KCNAB1: variants seen among roughly 807,000 people sequenced by gnomAD.
KCNAB1 encodes the protein potassium voltage-gated channel subfamily A regulatory beta subunit 1, also known as voltage-gated potassium channel subunit beta-1.
In KCNAB1, 35 loss-of-function variants were observed where a neutral mutation model predicts 64.6. The ratio of observed to expected loss-of-function variants is 0.54; its 90% CI spans 0.41 to 0.72. The LOEUF (loss-of-function observed/expected upper bound fraction) is 0.72. Ranked by LOEUF, KCNAB1 falls within the 30% of genes least tolerant of loss-of-function variation. The probability of loss-of-function intolerance (pLI) is 0.00; values close to 1 mark genes in which losing one functional copy is unlikely to be tolerated. For missense variants in KCNAB1, 401 were observed against 512.9 expected, an observed-to-expected ratio of 0.78 and a Z score of 2.11; for synonymous variants, 177 against 183.8, an observed-to-expected ratio of 0.96 and a Z score of 0.30.
upstream of KCNAB1, among the ~76,000 whole-genome samples, chr3:156,119,748 G>C (rs914619686): frequency 6.6e-6 from 1 of 152,036 alleles, no homozygotes; most frequent in African/African-American, 2.4e-5. Context: ...GGGTGTGTGT[G>C]GGTCAACCCC....
At chr3:156,525,690 A>G (rs1410658966) in intron 12 of KCNAB1, among the ~76,000 whole-genome samples, 1 of 151,926 alleles carries the variant, frequency 6.6e-6, no homozygotes, top group Non-Finnish European at 1.5e-5. Flanking sequence ...TAATTTTTGT[A>G]TTTTTAGTAG....
chr3:156,371,344 T>C (rs115911531), intron 1 of KCNAB1, among the ~76,000 whole-genome samples: 2,114 of 152,290 alleles, frequency 0.014, 19 homozygotes, highest in South Asian at 0.031. Flanking sequence ...AAAAAGAAGC[T>C]ACCACAGGGT....
chr3:156,180,685 T>C (rs1214401670), intron 1 of KCNAB1, among the ~76,000 whole-genome samples: 1 of 152,190 alleles, frequency 6.6e-6, no homozygotes, highest in African/African-American at 2.4e-5. Flanking sequence ...GATGCAATGA[T>C]GATGATAGAG....
intron 1 of KCNAB1, among the ~76,000 whole-genome samples, chr3:156,411,780 C>T (rs1365779496): frequency 1.3e-5 from 2 of 152,272 alleles, no homozygotes; most frequent in East Asian, 3.9e-4. Flanking sequence ...CCTTTGATTA[C>T]TGTAGCTTTA....
chr3:156,381,984 C>T (rs1007929975), intron 1 of KCNAB1, among the ~76,000 whole-genome samples: 1 of 152,170 alleles, frequency 6.6e-6, no homozygotes, highest in African/African-American at 2.4e-5. Flanking sequence ...TGAAAGAACA[C>T]TGGATCAAGA....
At chr3:156,396,067 G>A (rs547138289) in intron 1 of KCNAB1, among the ~76,000 whole-genome samples, 5 of 152,148 alleles carry the variant, frequency 3.3e-5, no homozygotes, top group Non-Finnish European at 7.4e-5. Flanking sequence ...ACCCCAAAAG[G>A]TTCTTGTAAA....
rs185923286 is a variant in KCNAB1, at chr3:156,143,149, A to T, written c.275+22263A>T. 124 of 1,557,780 alleles carry T rather than the reference A, an allele frequency of 8.0e-5. 1 individual carries two copies. The Middle Eastern group carries it at 1.0e-3, about 13-fold the overall frequency. On this transcript the variant is annotated intron_variant, in intron 1 of 13. Transcript: ENST00000490337. ...GAGTCTTAAAGTTAAGCACCGTGCAATTAGCTTTGCTTCCTTGGGTTTTTG... is the reference window on the plus strand; with the variant it reads ...GAGTCTTAAAGTTAAGCACCGTGCATTTAGCTTTGCTTCCTTGGGTTTTTG...
At chr3:156,152,020 A>T (rs1715441930) in intron 1 of KCNAB1, among the ~76,000 whole-genome samples, 1 of 152,200 alleles carries the variant, frequency 6.6e-6, no homozygotes, top group African/African-American at 2.4e-5. Flanking sequence ...GTGGTGCCAC[A>T]CAATTGTTAT....
intron 1 of KCNAB1, 70 bp from the exon 2 acceptor site, chr3:156,421,546 A>G (rs750639616): frequency 4.7e-6 from 7 of 1,478,070 alleles, no homozygotes; most frequent in Non-Finnish European, 5.6e-6. Context: ...TGGAGATACA[A>G]TATCCACTTA....
chr3:156,282,418 G>T (rs1719782917), intron 1 of KCNAB1, among the ~76,000 whole-genome samples: 1 of 146,202 alleles, frequency 6.8e-6, no homozygotes, highest in Admixed American at 6.9e-5. Context: ...GGTGTGGTGT[G>T]GTGCTGAAAA....
intron 1 of KCNAB1, among the ~76,000 whole-genome samples, chr3:156,321,197 A>G (rs903017678): frequency 6.6e-6 from 1 of 152,080 alleles, no homozygotes. Context: ...TTTAGAGCAA[A>G]TGTTTCTGTG....
At chr3:156,313,404 G>A (rs1030141452) in intron 1 of KCNAB1, among the ~76,000 whole-genome samples, 20 of 152,164 alleles carry the variant, frequency 1.3e-4, no homozygotes, top group African/African-American at 4.8e-4. Flanking sequence ...TCTTGAGACG[G>A]GAGATTATCC....
intron 1 of KCNAB1, among the ~76,000 whole-genome samples, chr3:156,409,019 C>T (rs991487072): frequency 1.3e-5 from 2 of 152,204 alleles, no homozygotes; most frequent in African/African-American, 2.4e-5. Flanking sequence ...AAAAATTAGG[C>T]GTAATTGGAG....
intron 1 of KCNAB1, among the ~76,000 whole-genome samples, chr3:156,202,999 GT>G (rs199684686): frequency 0.027 from 4,176 of 152,164 alleles, 61 homozygotes; most frequent in Non-Finnish European, 0.037. Flanking sequence ...ATTTTTTAAA[GT>G]TTTTAGATTA....
chr3:156,346,134 A>G (rs895466030), intron 1 of KCNAB1, among the ~76,000 whole-genome samples: 8 of 151,786 alleles, frequency 5.3e-5, no homozygotes, highest in Non-Finnish European at 1.2e-4. Flanking sequence ...AATGTAATTA[A>G]CTATATGAAC....
intron 1 of KCNAB1, among the ~76,000 whole-genome samples, chr3:156,309,081 A>G (rs191000812): frequency 1.3e-5 from 2 of 152,318 alleles, no homozygotes; most frequent in East Asian, 1.9e-4. Flanking sequence ...AAAACTGGAA[A>G]TCAAACATTT....
At chr3:156,479,604 A>G (rs756752937) in intron 8 of KCNAB1, among the ~76,000 whole-genome samples, 2 of 152,178 alleles carry the variant, frequency 1.3e-5, no homozygotes, top group Non-Finnish European at 2.9e-5. Flanking sequence ...TTCGATCTGA[A>G]AATATGATTT....
intron 12 of KCNAB1, among the ~76,000 whole-genome samples, chr3:156,528,174 C>A (rs76779764): frequency 2.3e-4 from 32 of 140,668 alleles, no homozygotes; most frequent in South Asian, 4.6e-4. Flanking sequence ...ATAATGCAGT[C>A]AAAAAAAAAA....
intron 1 of KCNAB1, among the ~76,000 whole-genome samples, chr3:156,181,296 G>A (rs963064452): frequency 2.6e-5 from 4 of 152,132 alleles, no homozygotes; most frequent in South Asian, 2.1e-4. Context: ...GAAACAACAC[G>A]AGACAGAGGT....
Sources: allele counts gnomAD v4.1 joint callset (sites outside exome capture counted in the v4.1 genomes callset), GRCh38; gene constraint gnomAD v4.1.1; transcripts MANE v1.5; gene names NCBI Gene and HGNC (gene_info 2026-07-23, HGNC 2026-07-21).